The following DIS3L variants were observed in gnomAD, a reference collection of about 807,000 sequenced individuals.
DIS3L encodes the protein DIS3 like exosome 3'-5' exoribonuclease.
A neutral mutation model predicts 120.3 loss-of-function variants in DIS3L; 100 were observed. The observed-to-expected ratio is 0.83, with a 90% CI of 0.71 to 0.98. The LOEUF (loss-of-function observed/expected upper bound fraction) is 0.98. Among genes scored for constraint, DIS3L ranks in the 50% least tolerant of loss-of-function variants. The pLI, the probability that DIS3L is intolerant of heterozygous loss-of-function variation, is 0.00. For synonymous variants in DIS3L, 426 were observed against 470.6 expected (o/e 0.91, Z 1.23); for missense variants, 1,196 against 1,314.2 (o/e 0.91, Z 1.39).
At position 66,299,943 on chromosome 15, in the gene DIS3L, C is replaced by T. The variant is rs190523335; in HGVS notation, c.293+4802C>T. Among the ~76,000 whole-genome samples, 44 of 151,958 alleles carry T rather than the reference C, an allele frequency of 2.9e-4. 1 individual carries two copies. The highest frequency in any genetic ancestry group is 3.4e-3 in the Middle Eastern group (1 of 294). ...ATGCACGCCTGTAGTCCTAGCTACTCGGGAGACTGAGACATGAGAATTGCT... is the reference window on the plus strand; with the variant it reads ...ATGCACGCCTGTAGTCCTAGCTACTTGGGAGACTGAGACATGAGAATTGCT... On this transcript the variant is annotated intron_variant, in intron 2 of 16. Coordinates refer to ENST00000319212, the MANE Select transcript of DIS3L (RefSeq NM_001143688.3).
At position 66,331,920 on chromosome 15, in the gene DIS3L, A is replaced by C. The variant is rs755903291; in HGVS notation, c.2581A>C (p.Met861Leu). ...GCAGTCTACTGAGCTCTTCCAGTGC[A>C]TGTACTTCAAAGACAAAGACCCTGC... Reference protein sequence around the residue: ...QKQSTELFQCMYFKDKDPATE... With the variant: ...QKQSTELFQCLYFKDKDPATE... Residue 861 changes from methionine (M) to leucine (L), a missense_variant, in exon 15 of 17, where the codon ATG (methionine) becomes CTG (leucine). Transcript: ENST00000319212. 6.2e-7 allele frequency: 1 copy of C among 1,613,316 alleles called. No homozygotes were observed. The highest frequency in any genetic ancestry group is 8.5e-7 in the Non-Finnish European group (1 of 1,179,574).
intron 2 of DIS3L, among the ~76,000 whole-genome samples, chr15:66,295,834 A>G (rs187379150): frequency 6.6e-6 from 1 of 152,338 alleles, no homozygotes; most frequent in African/African-American, 2.4e-5. Flanking sequence ...GCATATTAGA[A>G]TTATACGTCC....
chr15:66,326,347 C>T lies in DIS3L; in HGVS notation c.2184C>T (p.Gly728=). ...SELRECAKAK[G]FFIDTRSNKT... ...TCCGGGAATGTGCTAAAGCCAAAGG[C>T]TTCTTCATAGATACACGGTATTCCT... Residue 728 remains glycine, a synonymous_variant, in exon 12 of 17, where the codon GGC becomes GGT. Transcript: ENST00000319212. The T allele has an allele frequency of 6.2e-7, 1 of 1,614,036 alleles. No individual in the cohort carries two copies. Among genetic ancestry groups the T allele is most frequent in the Non-Finnish European group, 8.5e-7 (1 of 1,180,014 alleles).
chr15:66,316,452 C>A (rs1167886495), intron 7 of DIS3L, among the ~76,000 whole-genome samples: 1 of 152,162 alleles, frequency 6.6e-6, no homozygotes, highest in East Asian at 1.9e-4. Context: ...CTCCTCACTG[C>A]TCTTCCTGCT....
chr15:66,319,131 T>C (rs1004714831), intron 8 of DIS3L, among the ~76,000 whole-genome samples: 2 of 152,010 alleles, frequency 1.3e-5, no homozygotes, highest in African/African-American at 4.8e-5. Context: ...AGAGATGGGG[T>C]CTCACTTTGT....
intron 15 of DIS3L, 126 bp downstream of exon 15, chr15:66,332,146 G>C (rs575645440): frequency 1.1e-6 from 1 of 946,418 alleles, no homozygotes; most frequent in African/African-American, 1.7e-5. Flanking sequence ...ATAATGTAAT[G>C]TATAATTCAG....
At chr15:66,295,253 T>A in intron 2 of DIS3L, 112 bp downstream of exon 2, 1 of 1,027,276 alleles carries the variant, frequency 9.7e-7, no homozygotes, top group Non-Finnish European at 1.4e-6. Context: ...GAAGGGACTT[T>A]TAAAACTAAT....
intron 7 of DIS3L, 37 bp from the exon 8 acceptor site, chr15:66,318,412 A>G: frequency 6.2e-7 from 1 of 1,602,854 alleles, no homozygotes; most frequent in Non-Finnish European, 8.5e-7. Context: ...ATGGCACCTA[A>G]CCAGTTAATG....
At chr15:66,296,403 A>G (rs1375096905) in intron 2 of DIS3L, among the ~76,000 whole-genome samples, 1 of 152,192 alleles carries the variant, frequency 6.6e-6, no homozygotes, top group Non-Finnish European at 1.5e-5. Context: ...TGTGAAAACA[A>G]AAGATGAGGA....
At chr15:66,316,153 TC>T (rs1409162344) in intron 7 of DIS3L, among the ~76,000 whole-genome samples, 2 of 152,142 alleles carry the variant, frequency 1.3e-5, no homozygotes, top group Non-Finnish European at 2.9e-5. Context: ...TTTGGCATCT[TC>T]CCCTGGACGT....
At position 66,294,065 on chromosome 15, in the gene DIS3L, CG is replaced by C. The variant is rs1369955990; in HGVS notation, c.139+331del. 5 of 986,274 alleles carry C rather than the reference CG, an allele frequency of 5.1e-6. No homozygotes were observed. In the African/African-American group the frequency reaches 8.7e-5, roughly 17 times the overall value. 61.1% of individuals were successfully genotyped at this position (986,274 alleles called of 1,614,324 possible). On this transcript the variant is annotated intron_variant, in intron 1 of 16. Transcript: ENST00000319212. ...CGCGGAAGCCGAGGCCTCCTCCCGCCGCAACCTCGCGCCGTGGAGAAATGGG... is the reference window on the plus strand; with the variant it reads ...CGCGGAAGCCGAGGCCTCCTCCCGCCCAACCTCGCGCCGTGGAGAAATGGG...
chr15:66,309,098 T>TATATATATATATATATATATATATAA (rs2092734510), intron 4 of DIS3L, among the ~76,000 whole-genome samples: 1 of 3,114 alleles, frequency 3.2e-4, no homozygotes, highest in Non-Finnish European at 1.0e-3. Flanking sequence ...AAAAAAAATA[T>TATATATATATATATATATATATATAA]ATATATCTCC....
Position 66,294,865 on chromosome 15 carries a change from T to C in DIS3L, c.140-123T>C. 9.5e-6 allele frequency: 10 copies of C among 1,056,190 alleles called. No homozygotes were observed. In the South Asian group the frequency reaches 1.8e-4, roughly 19 times the overall value. 65.4% of individuals were successfully genotyped at this position (1,056,190 alleles called of 1,614,324 possible). ...GGCCTCTACCAAAGTAGATTTGTCT[T>C]TTAAAAACTCCCACCATGGAGTTAA... On this transcript the variant is annotated intron_variant, in intron 1 of 16. Coordinates refer to ENST00000319212, the MANE Select transcript of DIS3L (RefSeq NM_001143688.3).
At chr15:66,313,255 A>G (rs548085959) in intron 5 of DIS3L, among the ~76,000 whole-genome samples, 2 of 151,996 alleles carry the variant, frequency 1.3e-5, no homozygotes, top group South Asian at 2.1e-4. Context: ...CAGCCTCCCA[A>G]AATGCTGGGA....
chr15:66,318,675 C>A (rs1051633915), intron 8 of DIS3L, 57 bp downstream of exon 8: 1 of 1,556,046 alleles, frequency 6.4e-7, no homozygotes, highest in Non-Finnish European at 8.7e-7. Context: ...TCTGTCTTTA[C>A]CAGCTTTTTA....
chr15:66,309,094 A>AAAAAAAAAAATATATATATATATATAT lies in DIS3L; in HGVS notation c.558+251_558+252insAAAAAAAAATATATATATATATATATA. The stretch of plus-strand genomic sequence containing the variant: ...CTTGTCTCTACAGAAAAAAAAAAAA[A>AAAAAAAAAAATATATATATATATATAT]ATATATATATCTCCAAGCATGGTGG... On this transcript the variant is annotated intron_variant, in intron 4 of 16. Transcript: ENST00000319212. Among the ~76,000 whole-genome samples, 55 of 15,314 alleles carry AAAAAAAAAAATATATATATATATATAT rather than the reference A, an allele frequency of 3.6e-3. 18 individuals are homozygous for AAAAAAAAAAATATATATATATATATAT. Among genetic ancestry groups the AAAAAAAAAAATATATATATATATATAT allele is most frequent in the Admixed American group, 8.1e-3 (5 of 620 alleles). The allele number at this position is 15,314 out of a possible 152,430, so 10.0% of individuals were successfully genotyped here.
At chr15:66,318,942 G>A (rs1041809426) in intron 8 of DIS3L, among the ~76,000 whole-genome samples, 5 of 151,992 alleles carry the variant, frequency 3.3e-5, no homozygotes, top group South Asian at 2.1e-4. Flanking sequence ...ACAGGCTCCC[G>A]CCACCACGCC....
chr15:66,328,424 T>C (rs2092961211), intron 12 of DIS3L, among the ~76,000 whole-genome samples: 1 of 152,116 alleles, frequency 6.6e-6, no homozygotes, highest in African/African-American at 2.4e-5. Flanking sequence ...ATGCAGTGGC[T>C]CACACCTGTA....
chr15:66,329,199 A>G (rs757568182), intron 13 of DIS3L, 22 bp from the exon 14 acceptor site: 10 of 1,588,032 alleles, frequency 6.3e-6, no homozygotes, highest in Non-Finnish European at 8.6e-6. Context: ...GTTTATTTTG[A>G]TCTTTTGCTT....
Sources: gnomAD v4.1 joint callset for allele counts (sites outside exome capture counted in the v4.1 genomes callset) on GRCh38, gnomAD v4.1.1 for gene constraint, MANE v1.5 for transcripts, NCBI Gene and HGNC (gene_info 2026-07-23, HGNC 2026-07-21) for gene names.